SYT17: variants seen among roughly 807,000 people sequenced by gnomAD.
SYT17 encodes synaptotagmin-17.
In SYT17, 22 loss-of-function variants were observed where a neutral mutation model predicts 46.7. The ratio of observed to expected loss-of-function variants is 0.47; its 90% CI spans 0.34 to 0.67. The LOEUF (loss-of-function observed/expected upper bound fraction) is 0.67, where lower values mean the gene tolerates loss of function less well. Ranked by LOEUF, SYT17 falls within the 30% of genes least tolerant of loss-of-function variation. SYT17 has a pLI of 0.01. For synonymous variants in SYT17, 251 were observed against 248.4 expected, an observed-to-expected ratio of 1.01 and a Z score of -0.10; for missense variants, 519 against 612.8, an observed-to-expected ratio of 0.85 and a Z score of 1.62.
intron 2 of SYT17, 54 bp from the exon 3 acceptor site, chr16:19,173,376 C>A: frequency 2.3e-6 from 1 of 430,572 alleles, no homozygotes; most frequent in Non-Finnish European, 4.2e-6. Context: ...CTTCCCCACC[C>A]TGCCCACCTC....
chr16:19,261,852 G>T (rs1029628699), intron 7 of SYT17, among the ~76,000 whole-genome samples: 1 of 152,118 alleles, frequency 6.6e-6, no homozygotes, highest in South Asian at 2.1e-4. Context: ...ATGGATTTCC[G>T]TGGTATTATT....
intron 7 of SYT17, among the ~76,000 whole-genome samples, chr16:19,265,396 A>G (rs539042778): frequency 3.3e-5 from 5 of 152,202 alleles, no homozygotes; most frequent in Non-Finnish European, 1.5e-5. Context: ...ATGACATAGT[A>G]TTTCACGTAG....
chr16:19,194,132 A>G (rs548089545), intron 5 of SYT17, among the ~76,000 whole-genome samples: 25 of 152,312 alleles, frequency 1.6e-4, no homozygotes, highest in African/African-American at 6.0e-4. Flanking sequence ...ATGAATAAGA[A>G]CATTGGCTAA....
At chr16:19,189,058 T>C (rs899797884) in intron 5 of SYT17, among the ~76,000 whole-genome samples, 6 of 152,102 alleles carry the variant, frequency 3.9e-5, no homozygotes, top group African/African-American at 1.2e-4. Context: ...GGCTAATTTT[T>C]CGTAATTTTA....
At chr16:19,192,695 G>A (rs1026291252) in intron 5 of SYT17, among the ~76,000 whole-genome samples, 2 of 152,230 alleles carry the variant, frequency 1.3e-5, no homozygotes, top group African/African-American at 4.8e-5. Context: ...GTGTAAGGTG[G>A]CGGTGACAAA....
rs769173924 is a variant in SYT17 at position 19,183,942 on chromosome 16, G to GC, written c.747dup (p.Lys250GlnfsTer8). ...AACTCAAAGCAGACCGGGGTCAAAC[G>GC]CAAGACCCAGAAGCCCGTGTTTGAG... On this transcript the variant is annotated frameshift_variant, in exon 5 of 8. Transcript: ENST00000355377. LOFTEE classifies it high-confidence loss of function. The surrounding 1 kb of genome is among the most constrained non-coding windows in gnomAD (Gnocchi z 5.6). The GC allele has an allele frequency of 1.9e-6, 3 of 1,614,176 alleles. No individual in the cohort carries two copies. The East Asian group carries it at 6.7e-5, about 36-fold the overall frequency.
chr16:19,255,447 C>T (rs1968493040), intron 7 of SYT17, among the ~76,000 whole-genome samples: 1 of 152,074 alleles, frequency 6.6e-6, no homozygotes, highest in Non-Finnish European at 1.5e-5. Context: ...ATCAAAAATG[C>T]CTCCAGATTG....
intron 7 of SYT17, among the ~76,000 whole-genome samples, chr16:19,245,528 T>C (rs1032830614): frequency 6.6e-6 from 1 of 152,168 alleles, no homozygotes; most frequent in Admixed American, 6.5e-5. Flanking sequence ...TGCACCTGTT[T>C]GAGGCTTGTT....
At position 19,168,447 on chromosome 16, in the gene SYT17, C is replaced by A; in HGVS notation, c.-200C>A. 2 of 676,698 alleles carry A rather than the reference C, an allele frequency of 3.0e-6. No individual in the cohort carries two copies. Among genetic ancestry groups the A allele is most frequent in the Non-Finnish European group, 4.8e-6 (2 of 417,428 alleles). 41.9% of individuals were successfully genotyped at this position (676,698 alleles called of 1,614,324 possible). ...GGGGAGGCGGCCCCGATTCCGAGAG[C>A]CGGAACGCAGGGAAAGGCAAGGACG... is the stretch of plus-strand genomic sequence containing the variant. On this transcript the variant is annotated 5_prime_UTR_variant, in exon 1 of 8. Transcript: ENST00000355377. The surrounding 1 kb of genome is among the most constrained non-coding windows in gnomAD (Gnocchi z 6.9).
At chr16:19,181,230 C>T (rs542632129) in intron 4 of SYT17, among the ~76,000 whole-genome samples, 1 of 152,092 alleles carries the variant, frequency 6.6e-6, no homozygotes, top group South Asian at 2.1e-4. Context: ...CCAATTTGTC[C>T]ACTCTGTTGT....
At chr16:19,194,372 G>A (rs1336846512) in intron 5 of SYT17, among the ~76,000 whole-genome samples, 4 of 152,088 alleles carry the variant, frequency 2.6e-5, no homozygotes, top group South Asian at 2.1e-4. Flanking sequence ...CCACCTCTCC[G>A]CCTCTCACAA....
At chr16:19,178,227 C>A (rs550848420) in intron 3 of SYT17, among the ~76,000 whole-genome samples, 1 of 150,620 alleles carries the variant, frequency 6.6e-6, no homozygotes, top group East Asian at 1.9e-4. Context: ...GGACTACAGG[C>A]GTCCGCCACC....
At chr16:19,171,999 A>G (rs1596880450) in intron 1 of SYT17, 1 of 152,498 alleles carries the variant, frequency 6.6e-6, no homozygotes, top group Non-Finnish European at 1.5e-5. Flanking sequence ...TCTTGATTCA[A>G]AGTTCTGAGT....
chr16:19,197,058 C>G (rs1028680396), intron 5 of SYT17, among the ~76,000 whole-genome samples: 1 of 152,230 alleles, frequency 6.6e-6, no homozygotes, highest in Admixed American at 6.5e-5. Flanking sequence ...CCAGACGAGG[C>G]TCTTGACAAG....
intron 7 of SYT17, among the ~76,000 whole-genome samples, chr16:19,233,250 G>C (rs1212065502): frequency 6.6e-6 from 1 of 152,208 alleles, no homozygotes; most frequent in Non-Finnish European, 1.5e-5. Context: ...GGTGAGATGA[G>C]ATGGGTGGGA....
intron 3 of SYT17, among the ~76,000 whole-genome samples, chr16:19,179,311 G>A (rs1009096300): frequency 2.6e-5 from 4 of 152,034 alleles, no homozygotes; most frequent in Non-Finnish European, 4.4e-5. Flanking sequence ...AAATTTTTTT[G>A]TAGAAACAGA....
intron 5 of SYT17, among the ~76,000 whole-genome samples, chr16:19,195,899 C>G (rs1965221305): frequency 6.6e-6 from 1 of 152,054 alleles, no homozygotes; most frequent in Admixed American, 6.6e-5. Flanking sequence ...GTGGGAGGAT[C>G]ACTTGAGCAT....
intron 5 of SYT17, among the ~76,000 whole-genome samples, chr16:19,209,809 CG>C (rs1965824729): frequency 6.6e-6 from 1 of 151,938 alleles, no homozygotes; most frequent in Admixed American, 6.6e-5. Flanking sequence ...ACCCGGGAGG[CG>C]GAACTTGCAG....
chr16:19,249,140 G>C (rs186637909), intron 7 of SYT17, among the ~76,000 whole-genome samples: 188 of 152,198 alleles, frequency 1.2e-3, no homozygotes, highest in Non-Finnish European at 2.1e-3. Flanking sequence ...CAGGCGTGGT[G>C]GCAGGCGACT....
Sources: allele counts gnomAD v4.1 joint callset (sites outside exome capture counted in the v4.1 genomes callset), GRCh38; gene constraint gnomAD v4.1.1; non-coding constraint Gnocchi (gnomAD v3.1); transcripts MANE v1.5; gene names NCBI Gene and HGNC (gene_info 2026-07-23, HGNC 2026-07-21).